PCDHGB3: variants seen among roughly 807,000 people sequenced by gnomAD.
PCDHGB3 encodes the protein protocadherin gamma subfamily B, 3.
PCDHGB3 carries 40 observed loss-of-function variants against 59.2 expected under a neutral mutation model. That is an observed-to-expected ratio of 0.68 (90% CI 0.52 to 0.88). The LOEUF is 0.88. PCDHGB3 is among the 40% of genes least tolerant of loss of function. PCDHGB3 has a pLI of 0.00. For synonymous variants in PCDHGB3, 581 were observed against 503.6 expected, an observed-to-expected ratio of 1.15 and a Z score of -2.06; for missense variants, 1,309 against 1,187.9, an observed-to-expected ratio of 1.10 and a Z score of -1.50.
At position 141,419,393 on chromosome 5, in the gene PCDHGB3, G is replaced by A. The variant is rs1226844501; in HGVS notation, c.2415+46584G>A. On this transcript the variant is annotated intron_variant, in intron 1 of 3. Transcript: ENST00000576222. The stretch of plus-strand genomic sequence containing the variant: ...CTACGTGTCCGTGAGCGCGCAGAGC[G>A]GGGTGGTGTTCGCGCAGCGCGCCTT... 6.2e-7 allele frequency: 1 copy of A among 1,613,502 alleles called. No homozygotes were observed. Among genetic ancestry groups the A allele is most frequent in the Non-Finnish European group, 8.5e-7 (1 of 1,179,920 alleles).
At chr5:141,500,446 T>C (rs2099800320) in intron 2 of PCDHGB3, among the ~76,000 whole-genome samples, 1 of 152,002 alleles carries the variant, frequency 6.6e-6, no homozygotes, top group South Asian at 2.1e-4. Context: ...CCTGACCTCG[T>C]GATCCGCCCG....
chr5:141,394,805 G>A, intron 1 of PCDHGB3: 1 of 1,613,860 alleles, frequency 6.2e-7, no homozygotes, highest in Non-Finnish European at 8.5e-7. Context: ...CCGTAGCCGT[G>A]GCTGACAGCA....
At chr5:141,381,986 C>A (rs1360595056) in intron 1 of PCDHGB3, among the ~76,000 whole-genome samples, 1 of 151,810 alleles carries the variant, frequency 6.6e-6, no homozygotes, top group East Asian at 1.9e-4. Flanking sequence ...CGCGCCACCA[C>A]GCCCGGATAA....
Position 141,431,859 on chromosome 5 carries a change from C to T in PCDHGB3, c.2415+59050C>T. ...AACTCTCCCAGAGGGACATTAATTG[C>T]CCTTTTAAATGTAAATGACCAAGAT... On this transcript the variant is annotated intron_variant, in intron 1 of 3. Coordinates refer to ENST00000576222, the MANE Select transcript of PCDHGB3 (RefSeq NM_018924.5). The surrounding 1 kb of genome is among the most constrained non-coding windows in gnomAD (Gnocchi z 4.8). 3.1e-6 allele frequency: 5 copies of T among 1,614,178 alleles called. No homozygotes were observed. The highest frequency in any genetic ancestry group is 4.2e-6 in the Non-Finnish European group (5 of 1,180,008).
chr5:141,387,560 C>A, intron 1 of PCDHGB3: 1 of 421,856 alleles, frequency 2.4e-6, no homozygotes, highest in East Asian at 3.8e-5. Context: ...CAGTTAGGCA[C>A]ACAATTATAA....
chr5:141,405,838 T>C (rs1561702145), intron 1 of PCDHGB3, among the ~76,000 whole-genome samples: 4 of 152,300 alleles, frequency 2.6e-5, no homozygotes, highest in Admixed American at 2.0e-4. Flanking sequence ...TAGTATAAGT[T>C]GATATCAGTG....
At chr5:141,379,309 C>T (rs1297432422) in intron 1 of PCDHGB3, 3 of 152,102 alleles carry the variant, frequency 2.0e-5, no homozygotes, top group Admixed American at 1.3e-4. Context: ...TATACCTAAA[C>T]AAGAGATCTA....
chr5:141,414,868 G>C, intron 1 of PCDHGB3: 1 of 1,614,216 alleles, frequency 6.2e-7, no homozygotes, highest in Non-Finnish European at 8.5e-7. Flanking sequence ...CAATGCGCCC[G>C]AGATCCTGTA....
intron 1 of PCDHGB3, chr5:141,423,558 G>T: frequency 1.2e-6 from 2 of 1,613,580 alleles, no homozygotes; most frequent in Non-Finnish European, 1.7e-6. Context: ...CCAACTATGG[G>T]GACACGCTCA....
rs989554651 is a variant in PCDHGB3 at position 141,372,743 on chromosome 5, T to G, written c.2349T>G (p.Asp783Glu). Residue 783 changes from aspartate to glutamate, a missense_variant, in exon 1 of 4, where the codon GAT becomes GAG. Physicochemically the swap from Asp to Glu is conservative, Grantham distance 45. Transcript: ENST00000576222. ...CTGCACCACAAGATCTTCTATGTGA[T>G]GAAGCCTCTTGGTTTGAAAGTAATG... ...ENAAPQDLLC[D>E]EASWFESNDN... 2 of 1,613,618 alleles carry G rather than the reference T, an allele frequency of 1.2e-6. No homozygotes were observed. Among genetic ancestry groups the G allele is most frequent in the Admixed American group, 1.7e-5 (1 of 59,998 alleles).
chr5:141,431,126 G>A lies in PCDHGB3; in HGVS notation c.2415+58317G>A, dbSNP rs2097344901. The A allele has an allele frequency of 2.5e-6, 4 of 1,614,114 alleles. No individual in the cohort carries two copies. Among genetic ancestry groups the A allele is most frequent in the Non-Finnish European group, 3.4e-6 (4 of 1,180,038 alleles). On this transcript the variant is annotated intron_variant, in intron 1 of 3. Coordinates refer to ENST00000576222, the MANE Select transcript of PCDHGB3 (RefSeq NM_018924.5). The surrounding 1 kb of genome is among the most constrained non-coding windows in gnomAD (Gnocchi z 4.8). ...GAAAATATATGGAGTAGAAGTAGAA[G>A]TAAGGGACATTAACGACAATGCGCC... is the stretch of plus-strand genomic sequence containing the variant.
chr5:141,413,812 C>G (rs761118146), intron 1 of PCDHGB3: 3 of 1,613,144 alleles, frequency 1.9e-6, no homozygotes, highest in Non-Finnish European at 1.7e-6. Context: ...GGCCATTCAC[C>G]ACCTGGTCCT....
At position 141,485,221 on chromosome 5, in the gene PCDHGB3, C is replaced by A; in HGVS notation, c.2416-9586C>A. 4 of 1,614,118 alleles carry A rather than the reference C, an allele frequency of 2.5e-6. No individual in the cohort carries two copies. The highest frequency in any genetic ancestry group is 2.2e-5 in the East Asian group (1 of 44,868). ...GGACAGAAATCTGGCGGTGGGCTAC[C>A]CTTTTGTTCCTCTTTTACCACCTGG... On this transcript the variant is annotated intron_variant, in intron 1 of 3. Coordinates refer to ENST00000576222, the MANE Select transcript of PCDHGB3 (RefSeq NM_018924.5). The surrounding 1 kb of genome is among the most constrained non-coding windows in gnomAD (Gnocchi z 5.7).
intron 1 of PCDHGB3, chr5:141,378,129 A>G (rs974715464): frequency 1.3e-5 from 2 of 152,224 alleles, no homozygotes; most frequent in African/African-American, 4.8e-5. Context: ...GTATTTGTTG[A>G]CATCACCATT....
chr5:141,374,410 T>G, intron 1 of PCDHGB3: 1 of 1,614,012 alleles, frequency 6.2e-7, no homozygotes. Context: ...TTAACATCCT[T>G]GTCGAGGATA....
At chr5:141,387,576 G>A in intron 1 of PCDHGB3, 2 of 487,618 alleles carry the variant, frequency 4.1e-6, no homozygotes, top group Non-Finnish European at 7.2e-6. Flanking sequence ...TATAATTATT[G>A]CACTGGTTAA....
intron 1 of PCDHGB3, chr5:141,383,762 T>G (rs777698869): frequency 4.3e-6 from 7 of 1,613,846 alleles, no homozygotes; most frequent in Non-Finnish European, 5.9e-6. Context: ...ACTCCTAAAC[T>G]TCCAAAGATG....
Position 141,370,637 on chromosome 5 carries a change from TG to T in PCDHGB3, c.246del (p.Asn83ThrfsTer4), listed in dbSNP as rs1257063256. On this transcript the variant is annotated frameshift_variant, in exon 1 of 4. Transcript: ENST00000576222. LOFTEE classifies it high-confidence loss of function. ...AATTCTTTACCGTGAGCCCCGAAAA[TG>T]GGAACTTACTTGTGAGCGACCGTAT... ...KKFFTVSPEN[G>X]NLLVSDRIDR... 1 of 1,613,770 alleles carries T rather than the reference TG, an allele frequency of 6.2e-7. No individual in the cohort carries two copies. The highest frequency in any genetic ancestry group is 8.5e-7 in the Non-Finnish European group (1 of 1,179,858).
In PCDHGB3 at chr5:141,371,232, G is replaced by C; in HGVS notation, c.838G>C (p.Ala280Pro). 2.5e-6 allele frequency: 4 copies of C among 1,614,036 alleles called. No homozygotes were observed. The highest frequency in any genetic ancestry group is 3.4e-6 in the Non-Finnish European group (4 of 1,179,894). ...DEGINAEIIY[A>P]FINIGKEVRQ... ...GGGCATCAATGCCGAAATCATCTAT[G>C]CCTTCATCAATATTGGCAAGGAAGT... The change falls in exon 1 of 4, where the codon GCC becomes CCC. Residue 280 changes from alanine to proline, a missense_variant. Ala to Pro is a conservative substitution (Grantham distance 27). Transcript: ENST00000576222.
Sources: allele counts gnomAD v4.1 joint callset (sites outside exome capture counted in the v4.1 genomes callset), GRCh38; gene constraint gnomAD v4.1.1; non-coding constraint Gnocchi (gnomAD v3.1); transcripts MANE v1.5; gene names NCBI Gene and HGNC (gene_info 2026-07-23, HGNC 2026-07-21).